BOLL: variants seen among roughly 807,000 people sequenced by gnomAD.
BOLL encodes the protein boule RNA binding protein.
In BOLL, 23 loss-of-function variants were observed where a neutral mutation model predicts 44.4. The ratio of observed to expected loss-of-function variants is 0.52; its 90% CI spans 0.37 to 0.73. The LOEUF is 0.73. Ranked by LOEUF, BOLL falls within the 30% of genes least tolerant of loss-of-function variation. The pLI, the probability that BOLL is intolerant of heterozygous loss-of-function variation, is 0.00. For missense variants in BOLL, 287 were observed against 338.3 expected (o/e 0.85, Z 1.19); for synonymous variants, 97 against 110.8 (o/e 0.88, Z 0.78).
intron 10 of BOLL, 90 bp downstream of exon 10, chr2:197,742,971 C>T (rs1687824319): frequency 2.1e-6 from 2 of 948,162 alleles, no homozygotes; most frequent in East Asian, 5.7e-5. Context: ...ATGTAAATAT[C>T]CAAAATTGTT....
At chr2:197,764,640 C>T (rs1574848198) in intron 7 of BOLL, among the ~76,000 whole-genome samples, 1 of 152,200 alleles carries the variant, frequency 6.6e-6, no homozygotes, top group African/African-American at 2.4e-5. Context: ...TGCTGGTCTA[C>T]ACTGGTTGCT....
Position 197,729,664 on chromosome 2 carries a change from C to T in BOLL, c.829-1086G>A, listed in dbSNP as rs529433912. 9.3e-4 allele frequency among the ~76,000 whole-genome samples: 142 copies of T among 152,174 alleles called. 1 individual carries two copies. The highest frequency in any genetic ancestry group is 3.4e-3 in the Middle Eastern group (1 of 292). Reference sequence around the variant, plus strand: ...AAGTGGGTCCCTGACCCCTGACCCCCAAGCAGCCTAACTGGGAGGCACCCC... The same window carrying T: ...AAGTGGGTCCCTGACCCCTGACCCCTAAGCAGCCTAACTGGGAGGCACCCC... On this transcript the variant is annotated intron_variant, in intron 10 of 10. Coordinates refer to ENST00000392296, the MANE Select transcript of BOLL (RefSeq NM_033030.6).
At position 197,785,234 on chromosome 2, in the gene BOLL, C is replaced by T. The variant is rs1279061273; in HGVS notation, c.-194G>A. 2.0e-6 allele frequency: 2 copies of T among 985,776 alleles called. No homozygotes were observed. The highest frequency in any genetic ancestry group is 2.4e-6 in the Non-Finnish European group (2 of 829,946). The allele number at this position is 985,776 out of a possible 1,614,324, so 61.1% of individuals were successfully genotyped here. A position where few individuals can be genotyped will look rare whatever the true frequency, so the allele number is the denominator to read the frequency against. Reference sequence around the variant, plus strand: ...CGGGAGGGAAAAGAAGGCTAGCCAGCGAGAAATTTTGCCCCACAAATCCGC... The same window carrying T: ...CGGGAGGGAAAAGAAGGCTAGCCAGTGAGAAATTTTGCCCCACAAATCCGC... On this transcript the variant is annotated 5_prime_UTR_variant, in exon 1 of 11. Coordinates refer to ENST00000392296, the MANE Select transcript of BOLL (RefSeq NM_033030.6). This position sits in a 1 kb window ranked among gnomAD's most constrained non-coding sequence, Gnocchi z 6.7.
chr2:197,782,891 C>T (rs542811153), intron 1 of BOLL, among the ~76,000 whole-genome samples: 8 of 152,196 alleles, frequency 5.3e-5, no homozygotes, highest in African/African-American at 1.7e-4. Context: ...TAGCTCAGTA[C>T]ATATCCACAT....
intron 10 of BOLL, among the ~76,000 whole-genome samples, chr2:197,739,478 T>G (rs1176321974): frequency 1.3e-5 from 2 of 151,944 alleles, no homozygotes; most frequent in Admixed American, 1.3e-4. Context: ...ACTATAGGGG[T>G]GCACCACCAT....
intron 7 of BOLL, among the ~76,000 whole-genome samples, chr2:197,763,068 A>C (rs1454510368): frequency 1.3e-5 from 2 of 152,240 alleles, no homozygotes; most frequent in Non-Finnish European, 2.9e-5. Context: ...AATACAAAGG[A>C]TCATTAGAGG....
chr2:197,772,294 A>G (rs931337738), intron 5 of BOLL, among the ~76,000 whole-genome samples: 1 of 152,048 alleles, frequency 6.6e-6, no homozygotes, highest in Non-Finnish European at 1.5e-5. Flanking sequence ...AACAATTTAG[A>G]CTATCATCAG....
intron 5 of BOLL, among the ~76,000 whole-genome samples, chr2:197,773,524 AATT>A (rs1689364293): frequency 2.0e-5 from 3 of 151,966 alleles, no homozygotes; most frequent in South Asian, 2.1e-4. Flanking sequence ...TGAACATTTC[AATT>A]ATTATGTATA....
intron 10 of BOLL, among the ~76,000 whole-genome samples, chr2:197,740,834 G>C (rs1247272995): frequency 1.3e-5 from 2 of 152,144 alleles, no homozygotes; most frequent in Non-Finnish European, 2.9e-5. Flanking sequence ...GCATAGCATT[G>C]TGAATGTAAT....
chr2:197,740,710 A>T (rs560655273), intron 10 of BOLL, among the ~76,000 whole-genome samples: 4 of 152,158 alleles, frequency 2.6e-5, no homozygotes, highest in African/African-American at 9.7e-5. Flanking sequence ...AGTAAATTAG[A>T]GGTTACCAGG....
intron 9 of BOLL, among the ~76,000 whole-genome samples, chr2:197,751,790 T>C (rs1688266023): frequency 6.6e-6 from 1 of 152,076 alleles, no homozygotes; most frequent in South Asian, 2.1e-4. Flanking sequence ...TCCTAACTTA[T>C]TTTGTGAGGC....
At chr2:197,757,059 C>T (rs1422816626) in intron 8 of BOLL, among the ~76,000 whole-genome samples, 4 of 152,014 alleles carry the variant, frequency 2.6e-5, no homozygotes, top group African/African-American at 9.7e-5. Context: ...TTTCAAATAA[C>T]ACTAATAGTA....
intron 1 of BOLL, among the ~76,000 whole-genome samples, chr2:197,784,343 G>A (rs903574670): frequency 2.9e-5 from 4 of 138,154 alleles, no homozygotes; most frequent in Non-Finnish European, 4.6e-5. Flanking sequence ...CTCATGATAT[G>A]CCAAATAGGC....
intron 10 of BOLL, among the ~76,000 whole-genome samples, chr2:197,730,937 T>A (rs914886881): frequency 6.6e-6 from 1 of 151,256 alleles, no homozygotes; most frequent in Non-Finnish European, 1.5e-5. Flanking sequence ...AACATCATAA[T>A]GACAGGATCA....
At chr2:197,728,906 C>T (rs1240654679) in intron 10 of BOLL, among the ~76,000 whole-genome samples, 4 of 152,166 alleles carry the variant, frequency 2.6e-5, no homozygotes, top group African/African-American at 7.2e-5. Flanking sequence ...GTCTTAAAAA[C>T]TTGTTTTTAA....
intron 5 of BOLL, 74 bp from the exon 6 acceptor site, chr2:197,772,056 A>G: frequency 7.8e-7 from 1 of 1,278,698 alleles, no homozygotes; most frequent in South Asian, 1.7e-5. Context: ...TAAACACTTC[A>G]GAAAAATATT....
intron 7 of BOLL, among the ~76,000 whole-genome samples, chr2:197,761,825 C>T (rs144971832): frequency 2.0e-5 from 3 of 152,208 alleles, no homozygotes; most frequent in South Asian, 2.1e-4. Flanking sequence ...ACAAAACCAA[C>T]TTCAAGTTAA....
intron 1 of BOLL, chr2:197,784,648 T>C: frequency 1.1e-6 from 1 of 876,664 alleles, no homozygotes; most frequent in Non-Finnish European, 1.4e-6. Context: ...CAGGATGGTC[T>C]CGATCTCCTG....
rs753905744 is a variant in BOLL at position 197,728,478 on chromosome 2, G to A, written c.*77C>T. The A allele has an allele frequency of 1.5e-5, 24 of 1,610,860 alleles. No homozygotes were observed. The South Asian group carries it at 1.5e-4, about 10-fold the overall frequency. ...ACAACGGGCAGCTTCTAGCTGGTTC[G>A]TTGAAGCTGGATCTCGGCCACGCAA... On this transcript the variant is annotated 3_prime_UTR_variant, in exon 11 of 11. Coordinates refer to ENST00000392296, the MANE Select transcript of BOLL (RefSeq NM_033030.6).
Sources: gnomAD v4.1 joint callset for allele counts (sites outside exome capture counted in the v4.1 genomes callset) on GRCh38, gnomAD v4.1.1 for gene constraint, Gnocchi (gnomAD v3.1) non-coding constraint, MANE v1.5 for transcripts, NCBI Gene and HGNC (gene_info 2026-07-23, HGNC 2026-07-21) for gene names.